AUTS2: variants seen among roughly 807,000 people sequenced by gnomAD.
AUTS2 encodes the protein activator of transcription and developmental regulator AUTS2.
Under a neutral mutation model 112.4 loss-of-function variants are expected in AUTS2, and 17 were observed. The ratio of observed to expected loss-of-function variants is 0.15; its 90% CI spans 0.10 to 0.23. AUTS2 has a LOEUF of 0.23. Ranked by LOEUF, AUTS2 falls within the 10% of genes least tolerant of loss-of-function variation. The pLI is 1.00. For missense variants in AUTS2, 1,510 were observed against 1,701.6 expected (o/e 0.89, Z 1.98); for synonymous variants, 751 against 702.7 (o/e 1.07, Z -1.09).
At chr7:70,112,149 A>G (rs989847682) in intron 2 of AUTS2, among the ~76,000 whole-genome samples, 3 of 151,848 alleles carry the variant, frequency 2.0e-5, no homozygotes, top group East Asian at 1.9e-4. Flanking sequence ...ATTTTACAAC[A>G]TAAGTTTTAA....
intron 1 of AUTS2, among the ~76,000 whole-genome samples, chr7:69,890,907 T>TAATC: frequency 6.6e-6 from 1 of 152,360 alleles, no homozygotes; most frequent in Non-Finnish European, 1.5e-5. Context: ...AAACTGAATG[T>TAATC]AATCTAGTTG....
chr7:70,454,785 G>A (rs1467663914), intron 5 of AUTS2, among the ~76,000 whole-genome samples: 1 of 152,150 alleles, frequency 6.6e-6, no homozygotes, highest in African/African-American at 2.4e-5. Context: ...TGAAGGTGCA[G>A]ACCTCATCAC....
intron 1 of AUTS2, among the ~76,000 whole-genome samples, chr7:69,620,005 A>G (rs895422116): frequency 2.0e-5 from 3 of 152,226 alleles, no homozygotes. Flanking sequence ...GATTTTGATT[A>G]CAAATGCCTT....
intron 4 of AUTS2, among the ~76,000 whole-genome samples, chr7:70,193,689 T>C (rs1056531343): frequency 3.3e-5 from 5 of 152,222 alleles, no homozygotes; most frequent in African/African-American, 1.2e-4. Flanking sequence ...TTAATCCCTG[T>C]AGAGGGCACT....
At chr7:69,627,391 C>T (rs978315885) in intron 1 of AUTS2, among the ~76,000 whole-genome samples, 2 of 151,706 alleles carry the variant, frequency 1.3e-5, no homozygotes, top group South Asian at 4.2e-4. Flanking sequence ...CTTGGGAGGC[C>T]GAGGCAGGAG....
At chr7:70,046,472 C>T (rs997600942) in intron 2 of AUTS2, among the ~76,000 whole-genome samples, 5 of 152,108 alleles carry the variant, frequency 3.3e-5, no homozygotes, top group African/African-American at 1.2e-4. Context: ...TGTTAAAATA[C>T]GTACAACTTT....
chr7:70,308,881 A>G (rs1789609437), intron 4 of AUTS2, among the ~76,000 whole-genome samples: 2 of 152,158 alleles, frequency 1.3e-5, no homozygotes, highest in Admixed American at 6.6e-5. Context: ...GTGTAATGTC[A>G]AGTCTTTGCT....
chr7:70,458,457 C>T (rs763159618), intron 5 of AUTS2, among the ~76,000 whole-genome samples: 2 of 152,182 alleles, frequency 1.3e-5, no homozygotes, highest in African/African-American at 4.8e-5. Context: ...CTCTTGTTAG[C>T]TGATAGATGA....
At chr7:70,420,002 C>A (rs1314249161) in intron 4 of AUTS2, among the ~76,000 whole-genome samples, 1 of 152,090 alleles carries the variant, frequency 6.6e-6, no homozygotes, top group African/African-American at 2.4e-5. Context: ...TATCTCAGAG[C>A]CCTGGGGTGA....
chr7:70,639,232 A>G (rs1209409415), intron 5 of AUTS2, among the ~76,000 whole-genome samples: 1 of 152,224 alleles, frequency 6.6e-6, no homozygotes, highest in East Asian at 1.9e-4. Flanking sequence ...AAGAAAATAA[A>G]AAATCTGGTT....
chr7:70,072,253 CA>C (rs1802808779), intron 2 of AUTS2, among the ~76,000 whole-genome samples: 1 of 152,014 alleles, frequency 6.6e-6, no homozygotes, highest in Non-Finnish European at 1.5e-5. Flanking sequence ...GGGTAAAAAT[CA>C]GAGTGGATTA....
intron 1 of AUTS2, among the ~76,000 whole-genome samples, chr7:69,847,675 G>C (rs761051947): frequency 2.0e-5 from 3 of 152,204 alleles, no homozygotes; most frequent in Non-Finnish European, 4.4e-5. Context: ...AAGACTAGAA[G>C]AATCAAGCCT....
intron 5 of AUTS2, among the ~76,000 whole-genome samples, chr7:70,532,426 G>T (rs1800135071): frequency 6.6e-6 from 1 of 152,158 alleles, no homozygotes; most frequent in Admixed American, 6.5e-5. Context: ...TAAAGAGTCT[G>T]CAGTCTTCAA....
intron 2 of AUTS2, among the ~76,000 whole-genome samples, chr7:70,037,721 G>A (rs1240712195): frequency 1.3e-5 from 2 of 152,076 alleles, no homozygotes; most frequent in Non-Finnish European, 2.9e-5. Context: ...GAGTTAGACT[G>A]TATGGGTCTG....
chr7:70,408,375 G>A (rs1361953247), intron 4 of AUTS2, among the ~76,000 whole-genome samples: 1 of 152,174 alleles, frequency 6.6e-6, no homozygotes, highest in Non-Finnish European at 1.5e-5. Flanking sequence ...CAGAACCACA[G>A]TGGGGACATT....
intron 1 of AUTS2, among the ~76,000 whole-genome samples, chr7:69,853,194 C>T (rs528364416): frequency 3.1e-4 from 47 of 152,234 alleles, no homozygotes; most frequent in Middle Eastern, 3.4e-3. Context: ...TGCTGATTTT[C>T]TGTCTAGTTG....
chr7:70,033,132 T>C (rs972377763), intron 2 of AUTS2, among the ~76,000 whole-genome samples: 1 of 152,214 alleles, frequency 6.6e-6, no homozygotes, highest in South Asian at 2.1e-4. Flanking sequence ...TGCACAACTA[T>C]CTGAATATAA....
At chr7:70,424,792 G>T (rs1437604605) in intron 4 of AUTS2, among the ~76,000 whole-genome samples, 1 of 152,112 alleles carries the variant, frequency 6.6e-6, no homozygotes, top group African/African-American at 2.4e-5. Flanking sequence ...TCGCTATGTT[G>T]CCCAGGCTGG....
intron 2 of AUTS2, among the ~76,000 whole-genome samples, chr7:70,055,762 T>G (rs1672363097): frequency 6.6e-6 from 1 of 152,188 alleles, no homozygotes; most frequent in South Asian, 2.1e-4. Flanking sequence ...TTCCCCAATG[T>G]CCAAAGAATT....
Sources: gnomAD v4.1 joint callset for allele counts (sites outside exome capture counted in the v4.1 genomes callset) on GRCh38, gnomAD v4.1.1 for gene constraint, MANE v1.5 for transcripts, NCBI Gene and HGNC (gene_info 2026-07-23, HGNC 2026-07-21) for gene names.